Variants in TRMT61B observed in about 807,000 individuals in gnomAD.
TRMT61B encodes tRNA (adenine(58)-N(1))-methyltransferase, mitochondrial.
TRMT61B carries 56 observed loss-of-function variants against 52.0 expected under a neutral mutation model. The ratio of observed to expected loss-of-function variants is 1.08; its 90% CI spans 0.87 to 1.35. The LOEUF (loss-of-function observed/expected upper bound fraction) is 1.35. Among genes scored for constraint, TRMT61B ranks in the 40% most tolerant of loss-of-function variants. The pLI, the probability that TRMT61B is intolerant of heterozygous loss-of-function variation, is 0.00. For synonymous variants in TRMT61B, 206 were observed against 220.0 expected (o/e 0.94, Z 0.56); for missense variants, 650 against 577.9 (o/e 1.12, Z -1.28).
intron 3 of TRMT61B, among the ~76,000 whole-genome samples, 187 bp from the exon 4 acceptor site, chr2:28,852,686 A>G (rs965325764): frequency 1.3e-5 from 2 of 152,022 alleles, no homozygotes; most frequent in East Asian, 3.9e-4. Flanking sequence ...CAGTTGGGCA[A>G]TGTGGCTTCT....
At chr2:28,858,523 C>A (rs1228162758) in intron 3 of TRMT61B, among the ~76,000 whole-genome samples, 2 of 151,260 alleles carry the variant, frequency 1.3e-5, no homozygotes, top group African/African-American at 4.9e-5. Flanking sequence ...GGTCAGGTGC[C>A]GTGGCTCACG....
intron 3 of TRMT61B, among the ~76,000 whole-genome samples, chr2:28,854,976 AG>A (rs2148125716): frequency 6.6e-6 from 1 of 152,226 alleles, no homozygotes; most frequent in South Asian, 2.1e-4. Context: ...CAGGGAAAGG[AG>A]GTGTCATTTT....
At chr2:28,865,183 A>C in intron 1 of TRMT61B, 64 bp from the exon 2 acceptor site, 1 of 905,244 alleles carries the variant, frequency 1.1e-6, no homozygotes, top group Admixed American at 2.0e-5. Context: ...ACCTAGTCTT[A>C]TCTTACATTG....
In TRMT61B at chr2:28,869,722, C is replaced by T. The variant is rs1218975394; in HGVS notation, c.556G>A (p.Ala186Thr). 6.2e-6 allele frequency: 10 copies of T among 1,614,090 alleles called. No individual in the cohort carries two copies. Among genetic ancestry groups the T allele is most frequent in the East Asian group, 2.2e-5 (1 of 44,882 alleles). The change falls in exon 1 of 7, where the codon GCA becomes ACA. Residue 186 changes from alanine (A) to threonine (T), a missense_variant. Physicochemically the swap from Ala to Thr is moderately conservative, Grantham distance 58 (BLOSUM62 0). Coordinates refer to ENST00000306108, the MANE Select transcript of TRMT61B (RefSeq NM_017910.4). ...NFGLLNSNWG[A>T]VPFGKIVGKF... ...CCCACGATCTTGCCGAACGGGACTGCCCCCCAGTTACTATTTAAGAGTCCG... is the reference window on the plus strand; with the variant it reads ...CCCACGATCTTGCCGAACGGGACTGTCCCCCAGTTACTATTTAAGAGTCCG...
At chr2:28,856,607 A>C (rs1010760772) in intron 3 of TRMT61B, among the ~76,000 whole-genome samples, 12 of 151,828 alleles carry the variant, frequency 7.9e-5, no homozygotes, top group African/African-American at 2.9e-4. Context: ...GTAATTGCTC[A>C]TATGTCTATT....
chr2:28,851,051 TA>T lies in TRMT61B; in HGVS notation c.1312+20del. On this transcript the variant is annotated intron_variant, in intron 5 of 6. Coordinates refer to ENST00000306108, the MANE Select transcript of TRMT61B (RefSeq NM_017910.4). ...CATTCTCCATTCATTACTGCATGCA[TA>T]AAGTAAAACTGAAGCTCACCATGGT... 3 of 1,531,636 alleles carry T rather than the reference TA, an allele frequency of 2.0e-6. 1 individual carries two copies. The South Asian group carries it at 3.6e-5, about 18-fold the overall frequency. 94.9% of individuals were successfully genotyped at this position (1,531,636 alleles called of 1,614,324 possible). A position where few individuals can be genotyped will look rare whatever the true frequency, so the allele number is the denominator to read the frequency against.
Position 28,850,368 on chromosome 2 carries a change from G to A in TRMT61B, c.1350C>T (p.Pro450=). ...GCCAGTGTACTGGTCTAGCAACATA[G>A]GGAAATGATCCATATGGAAAATCAG... ...SHSDFPYGSF[P]YVARPVHWQP... is the part of the protein sequence containing the mutation. The change falls in exon 6 of 7, where the codon CCC becomes CCT. Residue 450 remains proline (P), a synonymous_variant. Transcript: ENST00000306108. 1 of 1,610,028 alleles carries A rather than the reference G, an allele frequency of 6.2e-7. No individual in the cohort carries two copies. The highest frequency in any genetic ancestry group is 8.5e-7 in the Non-Finnish European group (1 of 1,177,884).
chr2:28,870,018 T>C lies in TRMT61B; in HGVS notation c.260A>G (p.Asn87Ser), dbSNP rs776506957. ...TTCCCGCAGCGTCGGCAGTCTGAGGTTTTCCAGTGACGAAAGACATCCAGT... is the reference window on the plus strand; with the variant it reads ...TTCCCGCAGCGTCGGCAGTCTGAGGCTTTCCAGTGACGAAAGACATCCAGT... ...IGTGCLSSLE[N>S]LRLPTLREES... Residue 87 changes from asparagine to serine, a missense_variant, in exon 1 of 7, where the codon AAC becomes AGC. By Grantham distance (46) the Asn-to-Ser change is conservative. Coordinates refer to ENST00000306108, the MANE Select transcript of TRMT61B (RefSeq NM_017910.4). 2.5e-6 allele frequency: 4 copies of C among 1,613,272 alleles called. No individual in the cohort carries two copies. Among genetic ancestry groups the C allele is most frequent in the Non-Finnish European group, 3.4e-6 (4 of 1,179,900 alleles).
At position 28,866,766 on chromosome 2, in the gene TRMT61B, G is replaced by A. The variant is rs948405635; in HGVS notation, c.700-1647C>T. Among the ~76,000 whole-genome samples the A allele has an allele frequency of 5.9e-5, 9 of 152,176 alleles. No homozygotes were observed. The East Asian group carries it at 1.2e-3, about 20-fold the overall frequency. ...TTGTTTTTGTTAACACAAATATTAC[G>A]GATGATATTAATAAAAACTGTTTTT... is the stretch of plus-strand genomic sequence containing the variant. On this transcript the variant is annotated intron_variant, in intron 1 of 6. Transcript: ENST00000306108.
chr2:28,864,902 G>A (rs1487478189), intron 2 of TRMT61B, 115 bp downstream of exon 2: 4 of 615,044 alleles, frequency 6.5e-6, no homozygotes, highest in African/African-American at 3.7e-5. Flanking sequence ...CAGATTCTAG[G>A]AGAATGCTAC....
At chr2:28,869,050 A>T (rs1314610144) in intron 1 of TRMT61B, among the ~76,000 whole-genome samples, 1 of 152,208 alleles carries the variant, frequency 6.6e-6, no homozygotes, top group East Asian at 1.9e-4. Context: ...TTTTTAATAA[A>T]GAATAGTCAT....
rs560206197 is a variant in TRMT61B at position 28,866,832 on chromosome 2, G to A, written c.700-1713C>T. On this transcript the variant is annotated intron_variant, in intron 1 of 6. Coordinates refer to ENST00000306108, the MANE Select transcript of TRMT61B (RefSeq NM_017910.4). ...AAATTTTCTTGGTGACAGGGTCTCTGTCACTCAGACTGGAGTGTAGTAGTG... is the reference window on the plus strand; with the variant it reads ...AAATTTTCTTGGTGACAGGGTCTCTATCACTCAGACTGGAGTGTAGTAGTG... Among the ~76,000 whole-genome samples, 7 of 152,248 alleles carry A rather than the reference G, an allele frequency of 4.6e-5. No homozygotes were observed. The East Asian group carries it at 1.3e-3, about 29-fold the overall frequency.
intron 2 of TRMT61B, among the ~76,000 whole-genome samples, chr2:28,862,150 G>A (rs1036896986): frequency 5.0e-5 from 7 of 140,114 alleles, no homozygotes; most frequent in Non-Finnish European, 7.6e-5. Context: ...AGATTGCAGT[G>A]AGCCAAGATG....
intron 3 of TRMT61B, among the ~76,000 whole-genome samples, chr2:28,857,530 ATAAC>A (rs1319931765): frequency 6.6e-6 from 1 of 152,234 alleles, no homozygotes; most frequent in Non-Finnish European, 1.5e-5. Context: ...GATGAAAAAC[ATAAC>A]TAACATTTAT....
At chr2:28,851,388 A>C in intron 4 of TRMT61B, 90 bp from the exon 5 acceptor site, 1 of 875,298 alleles carries the variant, frequency 1.1e-6, no homozygotes, top group South Asian at 2.1e-5. Flanking sequence ...ACATTTAAAT[A>C]CCATAGTTAA....
intron 3 of TRMT61B, among the ~76,000 whole-genome samples, chr2:28,858,314 A>C (rs1026062591): frequency 1.3e-5 from 2 of 152,010 alleles, no homozygotes; most frequent in Non-Finnish European, 2.9e-5. Flanking sequence ...TGCTGGGATT[A>C]CAGGTGTGAG....
In TRMT61B at chr2:28,866,768, A is replaced by C. The variant is rs184655766; in HGVS notation, c.700-1649T>G. ...GTTTTTGTTAACACAAATATTACGG[A>C]TGATATTAATAAAAACTGTTTTTTT... is the stretch of plus-strand genomic sequence containing the variant. On this transcript the variant is annotated intron_variant, in intron 1 of 6. Coordinates refer to ENST00000306108, the MANE Select transcript of TRMT61B (RefSeq NM_017910.4). 1.1e-4 allele frequency among the ~76,000 whole-genome samples: 17 copies of C among 152,302 alleles called. No individual in the cohort carries two copies. In the East Asian group the frequency reaches 2.9e-3, roughly 26 times the overall value.
At position 28,869,695 on chromosome 2, in the gene TRMT61B, T is replaced by TC; in HGVS notation, c.582dup (p.Lys195GlufsTer13). 3 of 1,614,166 alleles carry TC rather than the reference T, an allele frequency of 1.9e-6. No individual in the cohort carries two copies. Among genetic ancestry groups the TC allele is most frequent in the Non-Finnish European group, 2.5e-6 (3 of 1,180,014 alleles). ...CTCCTCAGTATCTGGCCGGGGAACT[T>TC]CCCCACGATCTTGCCGAACGGGACT... On this transcript the variant is annotated frameshift_variant, in exon 1 of 7. Coordinates refer to ENST00000306108, the MANE Select transcript of TRMT61B (RefSeq NM_017910.4). LOFTEE classifies it high-confidence loss of function.
At chr2:28,854,599 G>A (rs931167396) in intron 3 of TRMT61B, among the ~76,000 whole-genome samples, 1 of 152,078 alleles carries the variant, frequency 6.6e-6, no homozygotes, top group African/African-American at 2.4e-5. Context: ...AATTAGCCAG[G>A]TACAGTGGTG....
Sources: allele counts gnomAD v4.1 joint callset (sites outside exome capture counted in the v4.1 genomes callset), GRCh38; gene constraint gnomAD v4.1.1; transcripts MANE v1.5; gene names NCBI Gene and HGNC (gene_info 2026-07-23, HGNC 2026-07-21).